Variants in BCL11A observed in about 807,000 individuals in gnomAD.
BCL11A encodes the protein BCL11 transcription factor A, also known as B cell CLL/lymphoma 11A.
In BCL11A, 2 loss-of-function variants were observed where a neutral mutation model predicts 55.9. That is an observed-to-expected ratio of 0.04 (90% CI 0.01 to 0.11). The LOEUF is 0.11. Among genes scored for constraint, BCL11A ranks in the 10% least tolerant of loss-of-function variants. The pLI is 1.00. For synonymous variants in BCL11A, 465 were observed against 473.4 expected (o/e 0.98, Z 0.23); for missense variants, 817 against 1,137.1 (o/e 0.72, Z 4.05).
chr2:60,460,168 GAA>G lies in BCL11A; in HGVS notation c.*234_*235del, dbSNP rs35238724. 0.012 allele frequency: 12,662 copies of G among 1,048,724 alleles called. No individual in the cohort carries two copies. The highest frequency in any genetic ancestry group is 0.015 in the South Asian group (445 of 30,366). 65.0% of individuals were successfully genotyped at this position (1,048,724 alleles called of 1,614,324 possible). Reference sequence around the variant, plus strand: ...GCATTCAAACGGTGAGAACATAAAGGAAAAAAAAAAAAAAGGAAAAAGAAAAA... The same window carrying G: ...GCATTCAAACGGTGAGAACATAAAGGAAAAAAAAAAAAGGAAAAAGAAAAA... On this transcript the variant is annotated 3_prime_UTR_variant, in exon 4 of 4. Transcript: ENST00000642384.
intron 3 of BCL11A, among the ~76,000 whole-genome samples, chr2:60,467,713 G>C (rs1461609475): frequency 1.9e-5 from 2 of 106,430 alleles, no homozygotes; most frequent in Non-Finnish European, 4.1e-5. Context: ...TACTGGTGGT[G>C]ATGGTACTGG....
Position 60,460,178 on chromosome 2 carries a change from AAAAAGG to A in BCL11A, c.*220_*225del. ...GGTGAGAACATAAAGGAAAAAAAAA[AAAAAGG>A]AAAAAGAAAAAAGAAAAAGAAAAAG... On this transcript the variant is annotated 3_prime_UTR_variant, in exon 4 of 4. Coordinates refer to ENST00000642384, the MANE Select transcript of BCL11A (RefSeq NM_022893.4). 1 of 1,295,402 alleles carries A rather than the reference AAAAAGG, an allele frequency of 7.7e-7. No individual in the cohort carries two copies. The highest frequency in any genetic ancestry group is 3.0e-5 in the East Asian group (1 of 33,540). The allele number at this position is 1,295,402 out of a possible 1,614,324, so 80.2% of individuals were successfully genotyped here. A position where few individuals can be genotyped will look rare whatever the true frequency, so the allele number is the denominator to read the frequency against.
chr2:60,521,723 C>G (rs1669002829), intron 2 of BCL11A, among the ~76,000 whole-genome samples: 1 of 152,142 alleles, frequency 6.6e-6, no homozygotes, highest in African/African-American at 2.4e-5. Context: ...ATAGCCAGGG[C>G]TCAAATGGCC....
chr2:60,463,082 C>T (rs1676403467), intron 3 of BCL11A, among the ~76,000 whole-genome samples: 1 of 152,248 alleles, frequency 6.6e-6, no homozygotes, highest in Non-Finnish European at 1.5e-5. Flanking sequence ...GCAACATTCT[C>T]ACACCCCAGA....
rs2104801103 is a variant in BCL11A, at chr2:60,553,201, T to C, written c.55+15A>G. On this transcript the variant is annotated intron_variant, in intron 1 of 3. Coordinates refer to ENST00000642384, the MANE Select transcript of BCL11A (RefSeq NM_022893.4). ...GATTATTAATAATTATTATTACTATTATTGGGTTACTTACGCGAGAATTCC... is the reference window on the plus strand; with the variant it reads ...GATTATTAATAATTATTATTACTATCATTGGGTTACTTACGCGAGAATTCC... 4 of 1,599,770 alleles carry C rather than the reference T, an allele frequency of 2.5e-6. No homozygotes were observed. The highest frequency in any genetic ancestry group is 1.7e-5 in the Admixed American group (1 of 58,720).
In BCL11A at chr2:60,457,937, C is replaced by T; in HGVS notation, c.*2467G>A. On this transcript the variant is annotated 3_prime_UTR_variant, in exon 4 of 4. Transcript: ENST00000642384. ...ATGGCTTCTCATCTGTAATGTCACA[C>T]TTTTTTGTTTCTCTCTTTTTTTTTT... 1 of 1,036,656 alleles carries T rather than the reference C, an allele frequency of 9.6e-7. No individual in the cohort carries two copies. The highest frequency in any genetic ancestry group is 1.2e-6 in the Non-Finnish European group (1 of 861,252). 64.2% of individuals were successfully genotyped at this position (1,036,656 alleles called of 1,614,324 possible). A position where few individuals can be genotyped will look rare whatever the true frequency, so the allele number is the denominator to read the frequency against.
At position 60,460,009 on chromosome 2, in the gene BCL11A, A is replaced by C; in HGVS notation, c.*395T>G. ...GTTTGCTCAGCAACGAATTAGGGACAATTTAAAATAGCCATAACATACCAT... is the reference window on the plus strand; with the variant it reads ...GTTTGCTCAGCAACGAATTAGGGACCATTTAAAATAGCCATAACATACCAT... On this transcript the variant is annotated 3_prime_UTR_variant, in exon 4 of 4. Coordinates refer to ENST00000642384, the MANE Select transcript of BCL11A (RefSeq NM_022893.4). 2 of 1,072,032 alleles carry C rather than the reference A, an allele frequency of 1.9e-6. No individual in the cohort carries two copies. Among genetic ancestry groups the C allele is most frequent in the Non-Finnish European group, 2.3e-6 (2 of 883,944 alleles). 66.4% of individuals were successfully genotyped at this position (1,072,032 alleles called of 1,614,324 possible). A position where few individuals can be genotyped will look rare whatever the true frequency, so the allele number is the denominator to read the frequency against.
intron 2 of BCL11A, among the ~76,000 whole-genome samples, chr2:60,469,314 G>A (rs1051438880): frequency 1.3e-5 from 2 of 152,072 alleles, no homozygotes; most frequent in Non-Finnish European, 2.9e-5. Flanking sequence ...CGTTTTTTAT[G>A]GGACAGAGTC....
intron 2 of BCL11A, among the ~76,000 whole-genome samples, chr2:60,518,191 T>C (rs1668819676): frequency 6.6e-6 from 1 of 152,152 alleles, no homozygotes; most frequent in Non-Finnish European, 1.5e-5. Flanking sequence ...AAAGAAAATA[T>C]AAAATTTGGC....
At chr2:60,524,631 T>C (rs1224190667) in intron 2 of BCL11A, 1 of 152,136 alleles carries the variant, frequency 6.6e-6, no homozygotes, top group African/African-American at 2.4e-5. Context: ...TTTAAATAAA[T>C]TACCTTTTTA....
chr2:60,506,307 C>A (rs1398867987), intron 2 of BCL11A, among the ~76,000 whole-genome samples: 1 of 152,234 alleles, frequency 6.6e-6, no homozygotes, highest in Non-Finnish European at 1.5e-5. Flanking sequence ...CCTTCACAGG[C>A]CAGCTGTGGT....
chr2:60,513,470 C>T (rs1240453269), intron 2 of BCL11A, among the ~76,000 whole-genome samples: 1 of 152,176 alleles, frequency 6.6e-6, no homozygotes, highest in Non-Finnish European at 1.5e-5. Flanking sequence ...CCCATGGGAA[C>T]CCCTTTGGCA....
Position 60,457,814 on chromosome 2 carries a change from A to G in BCL11A, c.*2590T>C, listed in dbSNP as rs928647266. The G allele has an allele frequency of 1.9e-6, 2 of 1,047,650 alleles. No individual in the cohort carries two copies. The highest frequency in any genetic ancestry group is 5.5e-5 in the East Asian group (1 of 18,036). 64.9% of individuals were successfully genotyped at this position (1,047,650 alleles called of 1,614,324 possible). On this transcript the variant is annotated 3_prime_UTR_variant, in exon 4 of 4. Transcript: ENST00000642384. ...GTTATTAGCTTGCAGTACTGCATACAGTATGGCAGCAGGAAAAAGGAACAA... is the reference window on the plus strand; with the variant it reads ...GTTATTAGCTTGCAGTACTGCATACGGTATGGCAGCAGGAAAAAGGAACAA...
chr2:60,472,200 T>G (rs1677243460), intron 2 of BCL11A, among the ~76,000 whole-genome samples: 1 of 152,216 alleles, frequency 6.6e-6, no homozygotes, highest in African/African-American at 2.4e-5. Context: ...GTCCAGGGCC[T>G]TCTTAGCATG....
intron 2 of BCL11A, chr2:60,542,788 G>C (rs1476881812): frequency 1.3e-5 from 2 of 152,120 alleles, no homozygotes; most frequent in African/African-American, 4.8e-5. Flanking sequence ...CAGCACTTTG[G>C]GAGGCCAAGC....
intron 2 of BCL11A, among the ~76,000 whole-genome samples, chr2:60,488,448 A>G (rs144436234): frequency 3.9e-5 from 6 of 152,378 alleles, no homozygotes; most frequent in Non-Finnish European, 7.3e-5. Flanking sequence ...AATGTGAAAG[A>G]AAGGACACAC....
chr2:60,497,386 C>T (rs769940102), intron 2 of BCL11A, among the ~76,000 whole-genome samples: 1 of 152,166 alleles, frequency 6.6e-6, no homozygotes, highest in Non-Finnish European at 1.5e-5. Context: ...CATATATGAA[C>T]TGTCTTTAAG....
chr2:60,510,207 T>G (rs972062782), intron 2 of BCL11A, among the ~76,000 whole-genome samples: 2 of 152,214 alleles, frequency 1.3e-5, no homozygotes, highest in African/African-American at 2.4e-5. Flanking sequence ...ACTCCTCCAG[T>G]GGCTTCCATC....
intron 2 of BCL11A, among the ~76,000 whole-genome samples, chr2:60,495,983 A>G (rs1216869201): frequency 6.6e-6 from 1 of 152,248 alleles, no homozygotes; most frequent in African/African-American, 2.4e-5. Context: ...ACACCTAAGA[A>G]ACATACTGCA....
Sources: gnomAD v4.1 joint callset for allele counts (sites outside exome capture counted in the v4.1 genomes callset) on GRCh38, gnomAD v4.1.1 for gene constraint, MANE v1.5 for transcripts, NCBI Gene and HGNC (gene_info 2026-07-23, HGNC 2026-07-21) for gene names.